UNC13C: variants seen among roughly 807,000 people sequenced by gnomAD.
UNC13C encodes the protein protein unc-13 homolog C.
In UNC13C, 174 loss-of-function variants were observed where a neutral mutation model predicts 245.4. The observed-to-expected ratio is 0.71, with a 90% CI of 0.63 to 0.80. The LOEUF is 0.80. Among genes scored for constraint, UNC13C ranks in the 30% least tolerant of loss-of-function variants. The pLI is 0.00. For synonymous variants in UNC13C, 992 were observed against 895.1 expected, an observed-to-expected ratio of 1.11 and a Z score of -1.93; for missense variants, 2,829 against 2,602.9, an observed-to-expected ratio of 1.09 and a Z score of -1.89.
intron 2 of UNC13C, among the ~76,000 whole-genome samples, chr15:54,138,238 C>T (rs914417363): frequency 1.3e-5 from 2 of 152,002 alleles, no homozygotes; most frequent in African/African-American, 4.8e-5. Flanking sequence ...CCAAAATGTA[C>T]ACTCTAGAGG....
chr15:54,015,516 G>A lies in UNC13C; in HGVS notation c.2613G>A (p.Val871=). ...AEDEEDYTEP[V]ADNETDYVEV... is the part of the protein sequence containing the mutation. Reference sequence around the variant, plus strand: ...ATGAGGAAGATTATACTGAACCAGTGGCTGACAATGAAACAGATTATGTTG... The same window carrying A: ...ATGAGGAAGATTATACTGAACCAGTAGCTGACAATGAAACAGATTATGTTG... Residue 871 remains valine, a synonymous_variant, in exon 2 of 33, where the codon GTG becomes GTA. Coordinates refer to ENST00000260323, the MANE Select transcript of UNC13C (RefSeq NM_001080534.3). 1 of 1,612,844 alleles carries A rather than the reference G, an allele frequency of 6.2e-7. No individual in the cohort carries two copies. Among genetic ancestry groups the A allele is most frequent in the Non-Finnish European group, 8.5e-7 (1 of 1,179,094 alleles).
At chr15:53,920,337 G>T in the UNC13C span, among the ~76,000 whole-genome samples, 1 of 152,022 alleles carries the variant, frequency 6.6e-6, no homozygotes, top group African/African-American at 2.4e-5. Context: ...ACTTTGGGAG[G>T]CTGGTCAGGA....
chr15:54,194,519 C>G (rs1387604281), intron 4 of UNC13C, among the ~76,000 whole-genome samples: 1 of 152,116 alleles, frequency 6.6e-6, no homozygotes, highest in Non-Finnish European at 1.5e-5. Flanking sequence ...CCCAACCTAT[C>G]AAATTTAAGA....
At chr15:54,600,339 A>G (rs573123085) in intron 30 of UNC13C, among the ~76,000 whole-genome samples, 2 of 152,212 alleles carry the variant, frequency 1.3e-5, no homozygotes, top group South Asian at 4.1e-4. Context: ...ATGGAGGCAT[A>G]TGATTTCGGG....
chr15:54,541,790 A>T (rs1490237766), intron 26 of UNC13C, among the ~76,000 whole-genome samples: 8 of 152,164 alleles, frequency 5.3e-5, no homozygotes, highest in African/African-American at 1.9e-4. Flanking sequence ...TTATGTCACC[A>T]TGAGAAGAAT....
intron 19 of UNC13C, among the ~76,000 whole-genome samples, chr15:54,455,251 A>T (rs1389373429): frequency 3.0e-5 from 3 of 99,680 alleles, no homozygotes; most frequent in Non-Finnish European, 4.1e-5. Context: ...TTTTTAATCC[A>T]CTCATTGGTA....
At chr15:54,149,360 A>G (rs1408714933) in intron 4 of UNC13C, among the ~76,000 whole-genome samples, 2 of 152,212 alleles carry the variant, frequency 1.3e-5, no homozygotes, top group African/African-American at 2.4e-5. Context: ...TTGGTATAGA[A>G]GGAGTTCACT....
rs185037508 is a variant in UNC13C, at chr15:54,504,678, T to C, written c.5302-2439T>C. 2.0e-5 allele frequency among the ~76,000 whole-genome samples: 3 copies of C among 152,330 alleles called. No homozygotes were observed. In the East Asian group the frequency reaches 5.8e-4, roughly 29 times the overall value. On this transcript the variant is annotated intron_variant, in intron 22 of 32. Coordinates refer to ENST00000260323, the MANE Select transcript of UNC13C (RefSeq NM_001080534.3). Reference sequence around the variant, plus strand: ...TTACATAAATCCGTGAAGTCACATTTCTTCACAATATGACAGTTTTCTTGT... The same window carrying C: ...TTACATAAATCCGTGAAGTCACATTCCTTCACAATATGACAGTTTTCTTGT...
intron 11 of UNC13C, among the ~76,000 whole-genome samples, chr15:54,296,386 T>A (rs1467400496): frequency 1.4e-3 from 186 of 135,452 alleles, no homozygotes; most frequent in East Asian, 8.1e-4. Context: ...TTTTTTTATT[T>A]TTTTTTATTT....
chr15:54,303,781 A>G (rs970299273), intron 13 of UNC13C, among the ~76,000 whole-genome samples: 32 of 152,076 alleles, frequency 2.1e-4, no homozygotes, highest in African/African-American at 7.2e-4. Flanking sequence ...TGAGACATTA[A>G]TATATGTAAG....
chr15:54,633,416 ATTGT>A (rs1035299793), downstream of UNC13C: 2 of 151,946 alleles, frequency 1.3e-5, no homozygotes, highest in African/African-American at 2.4e-5. Flanking sequence ...TCAAAATCCA[ATTGT>A]TTATTTCCTG....
intron 19 of UNC13C, among the ~76,000 whole-genome samples, chr15:54,476,832 C>T (rs1201119232): frequency 1.3e-5 from 2 of 151,140 alleles, no homozygotes; most frequent in African/African-American, 4.9e-5. Flanking sequence ...GTAATTTTTC[C>T]AATTCTGTGA....
chr15:53,855,299 C>T, the UNC13C span, among the ~76,000 whole-genome samples: 1 of 152,082 alleles, frequency 6.6e-6, no homozygotes, highest in African/African-American at 2.4e-5. Context: ...TTTCTCTTGC[C>T]TGATTGCCCT....
chr15:54,075,294 G>T (rs1218352823), intron 2 of UNC13C, among the ~76,000 whole-genome samples: 1 of 151,974 alleles, frequency 6.6e-6, no homozygotes, highest in African/African-American at 2.4e-5. Context: ...GACCACCCTG[G>T]CTAACACGGC....
intron 4 of UNC13C, among the ~76,000 whole-genome samples, chr15:54,159,374 C>T (rs1272427322): frequency 1.3e-5 from 2 of 152,188 alleles, no homozygotes; most frequent in East Asian, 1.9e-4. Flanking sequence ...GAAGACTATA[C>T]CATTTCATTC....
At chr15:54,305,357 A>G (rs777200488) in intron 13 of UNC13C, among the ~76,000 whole-genome samples, 19 of 152,072 alleles carry the variant, frequency 1.2e-4, no homozygotes, top group Non-Finnish European at 2.5e-4. Context: ...TAAAAATTTG[A>G]GGAAGTTTCA....
At chr15:53,925,023 G>A in the UNC13C span, among the ~76,000 whole-genome samples, 1 of 152,120 alleles carries the variant, frequency 6.6e-6, no homozygotes, top group Non-Finnish European at 1.5e-5. Flanking sequence ...CAGCTGTTAT[G>A]GGCCAGATAT....
intron 2 of UNC13C, among the ~76,000 whole-genome samples, chr15:54,098,231 C>T (rs1335927362): frequency 6.6e-6 from 1 of 152,034 alleles, no homozygotes; most frequent in Non-Finnish European, 1.5e-5. Context: ...CTGGAATGCT[C>T]TGTGGTGATG....
chr15:54,432,852 A>C (rs2040899789), intron 19 of UNC13C, among the ~76,000 whole-genome samples: 1 of 151,876 alleles, frequency 6.6e-6, no homozygotes, highest in African/African-American at 2.4e-5. Context: ...TGCTAGCCAG[A>C]TGAATGAAGA....
Sources: gnomAD v4.1 joint callset for allele counts (sites outside exome capture counted in the v4.1 genomes callset) on GRCh38, gnomAD v4.1.1 for gene constraint, MANE v1.5 for transcripts, NCBI Gene and HGNC (gene_info 2026-07-23, HGNC 2026-07-21) for gene names.